The following GABRR3 variants were observed in gnomAD, a reference collection of about 807,000 sequenced individuals.
The protein encoded by GABRR3 is gamma-aminobutyric acid type A receptor subunit rho3, also known as gamma-aminobutyric acid receptor subunit rho-3.
Under a neutral mutation model 43.2 loss-of-function variants are expected in GABRR3, and 29 were observed. The observed-to-expected ratio is 0.67, with a 90% confidence interval of 0.50 to 0.92. The LOEUF is 0.92. Among genes scored for constraint, GABRR3 ranks in the 40% least tolerant of loss-of-function variants. GABRR3 has a pLI of 0.00. For synonymous variants in GABRR3, 206 were observed against 195.9 expected, an observed-to-expected ratio of 1.05 and a Z score of -0.43; for missense variants, 576 against 572.3, an observed-to-expected ratio of 1.01 and a Z score of -0.07.
chr3:98,002,857 A>G (rs1424702976), intron 7 of GABRR3, among the ~76,000 whole-genome samples: 1 of 152,120 alleles, frequency 6.6e-6, no homozygotes, highest in Non-Finnish European at 1.5e-5. Flanking sequence ...CTCAGCAGTA[A>G]TTTCTTAGAA....
chr3:98,029,417 G>C (rs1369235085), intron 2 of GABRR3, among the ~76,000 whole-genome samples: 2 of 152,182 alleles, frequency 1.3e-5, no homozygotes, highest in Non-Finnish European at 2.9e-5. Flanking sequence ...GGGGGACTAA[G>C]AGGGTCTTTG....
Position 98,017,770 on chromosome 3 carries a change from T to C in GABRR3, c.239-48A>G, listed in dbSNP as rs144957328. 3.8e-6 allele frequency: 5 copies of C among 1,310,132 alleles called. No individual in the cohort carries two copies. In the Admixed American group the frequency reaches 7.7e-5, roughly 20 times the overall value. 81.2% of individuals were successfully genotyped at this position (1,310,132 alleles called of 1,614,324 possible). A position where few individuals can be genotyped will look rare whatever the true frequency, so the allele number is the denominator to read the frequency against. On this transcript the variant is annotated intron_variant, in intron 3 of 9. Transcript: ENST00000621172. ...TATGCTGAGGAATGCATTATAATCA[T>C]TTTAAAACCATTTAAAACAGAGAGA...
chr3:98,018,754 A>G (rs1036089460), intron 3 of GABRR3, among the ~76,000 whole-genome samples: 3 of 152,118 alleles, frequency 2.0e-5, no homozygotes. Flanking sequence ...AATGTTTTCA[A>G]TTATGGTTGA....
At position 98,002,534 on chromosome 3, in the gene GABRR3, A is replaced by G. The variant is rs181952742; in HGVS notation, c.755-767T>C. ...CTTCTCTGAGCACCATTCTTTAATGACCACATACACATACCAGGATATATA... is the reference window on the plus strand; with the variant it reads ...CTTCTCTGAGCACCATTCTTTAATGGCCACATACACATACCAGGATATATA... On this transcript the variant is annotated intron_variant, in intron 7 of 9. Transcript: ENST00000621172. 5.0e-3 allele frequency among the ~76,000 whole-genome samples: 762 copies of G among 152,270 alleles called. 6 individuals carry two copies. Among genetic ancestry groups the G allele is most frequent in the African/African-American group, 0.017 (718 of 41,562 alleles).
intron 2 of GABRR3, among the ~76,000 whole-genome samples, chr3:98,031,720 G>T (rs1397094041): frequency 1.3e-5 from 2 of 151,966 alleles, no homozygotes; most frequent in Admixed American, 6.6e-5. Flanking sequence ...TCCAGCCTGG[G>T]CAAGAGAACA....
chr3:98,017,552 A>G, intron 4 of GABRR3, 103 bp downstream of exon 4: 1 of 807,898 alleles, frequency 1.2e-6, no homozygotes, highest in Non-Finnish European at 2.1e-6. Flanking sequence ...GGAGACATAA[A>G]TAACATACAT....
intron 8 of GABRR3, chr3:97,997,889 T>C (rs996684816): frequency 6.6e-6 from 1 of 152,188 alleles, no homozygotes; most frequent in African/African-American, 2.4e-5. Context: ...TTTACATACA[T>C]GCACAATACT....
At chr3:98,006,189 A>G (rs1290620212) in intron 7 of GABRR3, among the ~76,000 whole-genome samples, 1 of 152,144 alleles carries the variant, frequency 6.6e-6, no homozygotes, top group African/African-American at 2.4e-5. Flanking sequence ...AGGATTACAA[A>G]GAGATTTTCC....
chr3:97,991,550 G>A (rs1426439135), intron 9 of GABRR3, among the ~76,000 whole-genome samples: 1 of 152,190 alleles, frequency 6.6e-6, no homozygotes, highest in African/African-American at 2.4e-5. Flanking sequence ...AACAAAATCA[G>A]CTCTTATTAG....
At chr3:98,006,838 T>C (rs1232796471) in intron 7 of GABRR3, among the ~76,000 whole-genome samples, 1 of 152,226 alleles carries the variant, frequency 6.6e-6, no homozygotes, top group Non-Finnish European at 1.5e-5. Context: ...GGATCACATA[T>C]AACTTTAAAA....
At chr3:98,002,083 G>C (rs1259541656) in intron 7 of GABRR3, among the ~76,000 whole-genome samples, 1 of 152,048 alleles carries the variant, frequency 6.6e-6, no homozygotes, top group Non-Finnish European at 1.5e-5. Context: ...TTCTGCAAGA[G>C]GGAAAGTCTT....
intron 3 of GABRR3, among the ~76,000 whole-genome samples, chr3:98,024,059 GT>G (rs1463867551): frequency 6.6e-6 from 1 of 152,174 alleles, no homozygotes; most frequent in African/African-American, 2.4e-5. Context: ...TGAAATCAAG[GT>G]TAGACCCTTA....
At chr3:98,027,666 C>T (rs1026492630) in intron 2 of GABRR3, among the ~76,000 whole-genome samples, 2 of 152,174 alleles carry the variant, frequency 1.3e-5, no homozygotes, top group African/African-American at 2.4e-5. Context: ...TCTACTTTTG[C>T]CTTTTTTTGT....
downstream of GABRR3, among the ~76,000 whole-genome samples, chr3:97,986,017 C>T (rs1399554122): frequency 6.6e-6 from 1 of 152,124 alleles, no homozygotes; most frequent in Non-Finnish European, 1.5e-5. Flanking sequence ...CAGGCGTGTG[C>T]CACCATGCCC....
intron 4 of GABRR3, among the ~76,000 whole-genome samples, chr3:98,014,051 G>T (rs1212563035): frequency 6.6e-6 from 1 of 152,138 alleles, no homozygotes; most frequent in Non-Finnish European, 1.5e-5. Context: ...GATGATAAAT[G>T]AGAAGCAAAA....
chr3:98,029,676 C>A (rs1707061605), intron 2 of GABRR3, among the ~76,000 whole-genome samples: 1 of 151,828 alleles, frequency 6.6e-6, no homozygotes, highest in African/African-American at 2.4e-5. Flanking sequence ...GACTAGTTAC[C>A]CAAGGGAGGA....
Position 98,034,992 on chromosome 3 carries a change from T to C in GABRR3, c.-2-3A>G. The C allele has an allele frequency of 1.2e-6, 2 of 1,610,862 alleles. No individual in the cohort carries two copies. The highest frequency in any genetic ancestry group is 1.7e-5 in the Admixed American group (1 of 59,576). ...TAACTGGAAAGCCAGGACCATCTCT[T>C]CCAAAACAAAAAAACAGAAAGGATG... On this transcript the variant is annotated splice_polypyrimidine_tract_variant and splice_region_variant and intron_variant, in intron 1 of 9. Coordinates refer to ENST00000621172, the Ensembl canonical transcript of GABRR3.
intron 2 of GABRR3, among the ~76,000 whole-genome samples, chr3:98,031,349 C>T (rs78827686): frequency 0.011 from 1,628 of 152,206 alleles, 28 homozygotes; most frequent in African/African-American, 0.037. Flanking sequence ...AAATGGTTCA[C>T]GTGGTACATT....
chr3:97,986,081 G>A (rs915414118), downstream of GABRR3, among the ~76,000 whole-genome samples: 1 of 152,114 alleles, frequency 6.6e-6, no homozygotes, highest in Non-Finnish European at 1.5e-5. Flanking sequence ...GGCCAGGCTG[G>A]TCTTGAACTC....
Sources: allele counts gnomAD v4.1 joint callset (sites outside exome capture counted in the v4.1 genomes callset), GRCh38; gene constraint gnomAD v4.1.1; transcripts MANE v1.5; gene names NCBI Gene and HGNC (gene_info 2026-07-23, HGNC 2026-07-21).